PDE10A: variants seen among roughly 807,000 people sequenced by gnomAD.
PDE10A encodes the protein phosphodiesterase 10A.
In PDE10A, 39 loss-of-function variants were observed where a neutral mutation model predicts 97.7. The ratio of observed to expected loss-of-function variants is 0.40; its 90% CI spans 0.31 to 0.52. The LOEUF (loss-of-function observed/expected upper bound fraction) is 0.52, where lower values mean the gene tolerates loss of function less well. PDE10A is among the 20% of genes least tolerant of loss of function. PDE10A has a pLI of 0.56. For synonymous variants in PDE10A, 371 were observed against 376.8 expected (o/e 0.98, Z 0.18); for missense variants, 731 against 1,047.8 (o/e 0.70, Z 4.17).
intron 1 of PDE10A, chr6:165,909,059 G>A (rs1041095098): frequency 8.5e-5 from 13 of 152,290 alleles, no homozygotes; most frequent in African/African-American, 2.4e-4. Context: ...GGAGAAAGGT[G>A]CTTCTCTGTA....
At chr6:165,972,143 T>C (rs1359902108) in intron 1 of PDE10A, among the ~76,000 whole-genome samples, 1 of 152,010 alleles carries the variant, frequency 6.6e-6, no homozygotes, top group Admixed American at 6.5e-5. Context: ...GGAATAAGGA[T>C]TGAGAATTAG....
At chr6:165,875,740 T>TG (rs1554334704) in intron 1 of PDE10A, among the ~76,000 whole-genome samples, 8,861 of 146,514 alleles carry the variant, frequency 0.06, 296 homozygotes, top group Middle Eastern at 0.089. Context: ...TGTTTTTTTT[T>TG]TTTTTTTGTG....
intron 1 of PDE10A, among the ~76,000 whole-genome samples, chr6:165,943,203 GAA>G (rs1562809574): frequency 1.9e-5 from 1 of 53,340 alleles, no homozygotes; most frequent in Non-Finnish European, 3.7e-5. Flanking sequence ...AAGAAAGAAA[GAA>G]AGAAAGAAAG....
At chr6:165,469,063 T>A (rs760777931) in intron 3 of PDE10A, among the ~76,000 whole-genome samples, 19 of 152,248 alleles carry the variant, frequency 1.2e-4, no homozygotes, top group Admixed American at 7.9e-4. Context: ...ATTTTTATCA[T>A]AATCACTTGA....
chr6:165,938,759 AACACAC>A (rs138143248), intron 1 of PDE10A, among the ~76,000 whole-genome samples: 3 of 149,904 alleles, frequency 2.0e-5, no homozygotes, highest in Admixed American at 6.7e-5. Context: ...AAAACAAAAC[AACACAC>A]ACACACACAC....
chr6:165,894,600 A>G, intron 1 of PDE10A: 1 of 450,774 alleles, frequency 2.2e-6, no homozygotes, highest in South Asian at 1.6e-5. Context: ...CCTGTACTAC[A>G]TATCCCGAGG....
chr6:165,666,432 A>G (rs755599003), upstream of PDE10A, among the ~76,000 whole-genome samples: 2 of 152,246 alleles, frequency 1.3e-5, no homozygotes, highest in Non-Finnish European at 2.9e-5. Flanking sequence ...AAAATAAATC[A>G]TAAGCAAGTG....
rs1290196626 is a variant in PDE10A at position 165,662,309 on chromosome 6, T to TGTCCTCCTC, written c.494_502dup (p.Gly167_Gln168insArgGlyGly). The stretch of plus-strand genomic sequence containing the variant: ...GGGGACGCTCAAGGGAGCTGCCTCT[T>TGTCCTCCTC]GTCCTCCTCCTCCTCCTCCGCCAGC... On this transcript the variant is annotated inframe_insertion, in exon 1 of 22. Transcript: ENST00000539869. The TGTCCTCCTC allele has an allele frequency of 1.2e-3, 197 of 158,732 alleles. No individual in the cohort carries two copies. The highest frequency in any genetic ancestry group is 4.7e-3 in the African/African-American group (188 of 39,968). The allele number at this position is 158,732 out of a possible 1,614,324, so 9.8% of individuals were successfully genotyped here.
intron 1 of PDE10A, among the ~76,000 whole-genome samples, chr6:165,726,593 C>A (rs1018923187): frequency 6.6e-6 from 1 of 152,176 alleles, no homozygotes; most frequent in African/African-American, 2.4e-5. Context: ...GTGGTCCACA[C>A]CTCCTGACAG....
intron 1 of PDE10A, among the ~76,000 whole-genome samples, chr6:165,744,516 T>A (rs1792800735): frequency 6.6e-6 from 1 of 152,188 alleles, no homozygotes; most frequent in East Asian, 1.9e-4. Flanking sequence ...CCTATACACA[T>A]TTATAAAAAG....
chr6:165,928,932 AGAC>A (rs1374072161), intron 1 of PDE10A, among the ~76,000 whole-genome samples: 7 of 152,170 alleles, frequency 4.6e-5, no homozygotes, highest in Non-Finnish European at 1.0e-4. Context: ...CTGGGATGAG[AGAC>A]GAAGAACTAA....
chr6:165,604,253 T>C (rs1428072146), intron 1 of PDE10A, among the ~76,000 whole-genome samples: 1 of 152,170 alleles, frequency 6.6e-6, no homozygotes, highest in Non-Finnish European at 1.5e-5. Context: ...TTACGGACCA[T>C]TGTATCCCCA....
At chr6:165,537,488 T>C (rs557313566) in intron 2 of PDE10A, among the ~76,000 whole-genome samples, 110 of 152,178 alleles carry the variant, frequency 7.2e-4, no homozygotes, top group African/African-American at 2.5e-3. Flanking sequence ...GATTATTACA[T>C]TGTATGCTTG....
At chr6:165,379,456 T>C in intron 17 of PDE10A, 90 bp from the exon 18 acceptor site, 2 of 979,846 alleles carry the variant, frequency 2.0e-6, no homozygotes, top group Non-Finnish European at 3.0e-6. Context: ...ATATAGTCAG[T>C]CAATGACATC....
At chr6:165,740,748 T>C (rs142561912) in intron 1 of PDE10A, among the ~76,000 whole-genome samples, 60 of 152,270 alleles carry the variant, frequency 3.9e-4, no homozygotes, top group Non-Finnish European at 6.9e-4. Context: ...AAAGGACAAA[T>C]ACTGCATGAC....
intron 1 of PDE10A, among the ~76,000 whole-genome samples, chr6:165,586,618 CT>C (rs1321081343): frequency 6.6e-6 from 1 of 152,120 alleles, no homozygotes; most frequent in Non-Finnish European, 1.5e-5. Context: ...GTTTACACCC[CT>C]GAAGTTATAT....
At chr6:165,890,038 T>C (rs1206279093) in intron 1 of PDE10A, among the ~76,000 whole-genome samples, 30 of 47,252 alleles carry the variant, frequency 6.3e-4, no homozygotes, top group Admixed American at 1.0e-3. Context: ...CCTCCCTCAC[T>C]CCTCCCTCAC....
chr6:165,672,684 G>T (rs1268101251), intron 1 of PDE10A, among the ~76,000 whole-genome samples: 2 of 152,190 alleles, frequency 1.3e-5, no homozygotes, highest in Admixed American at 1.3e-4. Context: ...CTGCCGCTAT[G>T]TGAGACGTTC....
At chr6:165,803,733 CTT>C (rs1779042945) in intron 1 of PDE10A, among the ~76,000 whole-genome samples, 1 of 152,214 alleles carries the variant, frequency 6.6e-6, no homozygotes, top group Admixed American at 6.5e-5. Context: ...TGGCCATACA[CTT>C]TGCCATGTTT....
Sources: gnomAD v4.1 joint callset for allele counts (sites outside exome capture counted in the v4.1 genomes callset) on GRCh38, gnomAD v4.1.1 for gene constraint, MANE v1.5 for transcripts, NCBI Gene and HGNC (gene_info 2026-07-23, HGNC 2026-07-21) for gene names.